The following POU6F1 variants were observed in gnomAD, a reference collection of about 807,000 sequenced individuals.
POU6F1 encodes POU class 6 homeobox 1.
In POU6F1, 9 loss-of-function variants were observed where a neutral mutation model predicts 28.9. The observed-to-expected ratio is 0.31, with a 90% CI of 0.19 to 0.54. The LOEUF (loss-of-function observed/expected upper bound fraction) is 0.54, where lower values mean the gene tolerates loss of function less well. POU6F1 is among the 20% of genes least tolerant of loss of function. The pLI, the probability that POU6F1 is intolerant of heterozygous loss-of-function variation, is 0.94. For missense variants in POU6F1, 338 were observed against 426.1 expected, an observed-to-expected ratio of 0.79 and a Z score of 1.82; for synonymous variants, 173 against 171.1, an observed-to-expected ratio of 1.01 and a Z score of -0.09.
intron 3 of POU6F1, chr12:51,201,536 A>T (rs1344751510): frequency 1.3e-5 from 1 of 78,428 alleles, no homozygotes; most frequent in African/African-American, 5.4e-5. Context: ...AAATGAGTTA[A>T]AAAAAAAACA....
At chr12:51,211,213 C>G (rs901552912) in intron 1 of POU6F1, among the ~76,000 whole-genome samples, 3 of 152,212 alleles carry the variant, frequency 2.0e-5, no homozygotes, top group Admixed American at 2.0e-4. Context: ...CTGTCTGTTT[C>G]AAGAGAAGGA....
intron 6 of POU6F1, 22 bp from the exon 7 acceptor site, chr12:51,196,949 T>C: frequency 6.8e-7 from 1 of 1,461,228 alleles, no homozygotes; most frequent in Non-Finnish European, 9.5e-7. Flanking sequence ...GGAAGAGCCT[T>C]GCTCAGAAGC....
chr12:51,203,617 G>A lies in POU6F1; in HGVS notation c.244+556C>T, dbSNP rs140645075. ...TCTTGTTAAGGAGCTGTTGCTTTTC[G>A]GAAGTTTGCGTGTTCTCATGTGCTC... On this transcript the variant is annotated intron_variant, in intron 3 of 10. Transcript: ENST00000333640. 3.3e-3 allele frequency among the ~76,000 whole-genome samples: 497 copies of A among 152,252 alleles called. 3 individuals carry two copies. The highest frequency in any genetic ancestry group is 5.9e-3 in the Non-Finnish European group (398 of 68,024).
At chr12:51,197,545 G>A (rs1169500275) in intron 6 of POU6F1, among the ~76,000 whole-genome samples, 1 of 152,220 alleles carries the variant, frequency 6.6e-6, no homozygotes, top group African/African-American at 2.4e-5. Context: ...TCAGGTTCTG[G>A]AGAATGTGCC....
chr12:51,199,519 G>A lies in POU6F1; in HGVS notation c.366+228C>T, dbSNP rs541285924. ...TAATGTTATTTCTGCAATCCTGGCA[G>A]GCCCAAGGAGATGATTCTGCAAATG... is the stretch of plus-strand genomic sequence containing the variant. On this transcript the variant is annotated intron_variant, in intron 4 of 10. Transcript: ENST00000333640. This position sits in a 1 kb window ranked among gnomAD's most constrained non-coding sequence, Gnocchi z 4.1. Among the ~76,000 whole-genome samples, 1 of 152,330 alleles carries A rather than the reference G, an allele frequency of 6.6e-6. No individual in the cohort carries two copies. Among genetic ancestry groups the A allele is most frequent in the Admixed American group, 6.5e-5 (1 of 15,300 alleles).
In POU6F1 at chr12:51,205,200, C is replaced by T. The variant is rs368768719; in HGVS notation, c.49-832G>A. Among the ~76,000 whole-genome samples, 442 of 152,042 alleles carry T rather than the reference C, an allele frequency of 2.9e-3. 12 individuals carry two copies. The highest frequency in any genetic ancestry group is 0.013 in the East Asian group (67 of 5,168). On this transcript the variant is annotated intron_variant, in intron 2 of 10. Transcript: ENST00000333640. ...GACTACAGGTGCCCACCACCACGCC[C>T]GGCTAATTTTTTTGTATTTTTAGTA...
At chr12:51,213,829 G>C (rs1164141102) in intron 1 of POU6F1, among the ~76,000 whole-genome samples, 2 of 151,626 alleles carry the variant, frequency 1.3e-5, no homozygotes, top group Admixed American at 6.6e-5. Context: ...ACCACATCCG[G>C]CCTAATTTCG....
intron 1 of POU6F1, among the ~76,000 whole-genome samples, chr12:51,215,415 C>T (rs533468662): frequency 3.3e-5 from 5 of 151,580 alleles, no homozygotes; most frequent in Non-Finnish European, 7.4e-5. Flanking sequence ...ATTAGCCAGG[C>T]ATGGTGGTGT....
chr12:51,197,745 G>C, intron 6 of POU6F1, 25 bp downstream of exon 6: 1 of 399,700 alleles, frequency 2.5e-6, no homozygotes, highest in Non-Finnish European at 4.4e-6. Context: ...TCCCTGGTCA[G>C]CCCTGGGTGA....
intron 1 of POU6F1, among the ~76,000 whole-genome samples, chr12:51,215,555 CA>C (rs11415220): frequency 0.067 from 5,952 of 88,468 alleles, 212 homozygotes; most frequent in East Asian, 0.19. Flanking sequence ...AACCCTGTCT[CA>C]AAAAAAAAAA....
Position 51,191,784 on chromosome 12 carries a change from C to G in POU6F1, c.1322-20G>C. 1 of 1,613,608 alleles carries G rather than the reference C, an allele frequency of 6.2e-7. No homozygotes were observed. The highest frequency in any genetic ancestry group is 1.7e-4 in the Middle Eastern group (1 of 6,056). On this transcript the variant is annotated intron_variant, in intron 9 of 10. Transcript: ENST00000333640. ...GTGGCTCTAGGCCAGAGGGAGGGAG[C>G]AGGGATGAGTGTGTAACATGGGAAC...
At chr12:51,194,748 C>T (rs1942698873) in intron 8 of POU6F1, among the ~76,000 whole-genome samples, 1 of 152,000 alleles carries the variant, frequency 6.6e-6, no homozygotes, top group African/African-American at 2.4e-5. Context: ...ACAAGAACTA[C>T]TGCTTGTTTT....
intron 1 of POU6F1, among the ~76,000 whole-genome samples, chr12:51,210,029 C>T (rs1943884831): frequency 2.0e-5 from 3 of 152,090 alleles, no homozygotes; most frequent in Non-Finnish European, 2.9e-5. Context: ...ATGACCATGG[C>T]TCATTGCAGC....
At chr12:51,215,326 G>T (rs371340446) in intron 1 of POU6F1, among the ~76,000 whole-genome samples, 2 of 151,950 alleles carry the variant, frequency 1.3e-5, no homozygotes, top group African/African-American at 2.4e-5. Flanking sequence ...AGGCCGAGGC[G>T]GGCGGATTAC....
rs1250187625 is a variant in POU6F1, at chr12:51,199,888, AAAG to A, written c.245-23_245-21del. 5 of 399,260 alleles carry A rather than the reference AAAG, an allele frequency of 1.3e-5. No homozygotes were observed. Among genetic ancestry groups the A allele is most frequent in the Non-Finnish European group, 2.2e-5 (5 of 226,218 alleles). 24.7% of individuals were successfully genotyped at this position (399,260 alleles called of 1,614,324 possible). Reference sequence around the variant, plus strand: ...ACTTCACTTCACAAGGCATTGAGAGAAAGAAGGACAAGGAGTGAGCCTGACGTG... The same window carrying A: ...ACTTCACTTCACAAGGCATTGAGAGAAAGGACAAGGAGTGAGCCTGACGTG... On this transcript the variant is annotated intron_variant, in intron 3 of 10. Transcript: ENST00000333640. The surrounding 1 kb of genome is among the most constrained non-coding windows in gnomAD (Gnocchi z 4.1).
At chr12:51,212,083 GT>G (rs765735356) in intron 1 of POU6F1, among the ~76,000 whole-genome samples, 2,024 of 148,794 alleles carry the variant, frequency 0.014, 49 homozygotes, top group African/African-American at 0.047. Flanking sequence ...TGTTTTTTTT[GT>G]TTTGTTTGTT....
chr12:51,199,939 T>C lies in POU6F1; in HGVS notation c.245-71A>G, dbSNP rs769352583. 30 of 399,296 alleles carry C rather than the reference T, an allele frequency of 7.5e-5. No individual in the cohort carries two copies. The highest frequency in any genetic ancestry group is 1.3e-4 in the Non-Finnish European group (30 of 226,220). 24.7% of individuals were successfully genotyped at this position (399,296 alleles called of 1,614,324 possible). A position where few individuals can be genotyped will look rare whatever the true frequency, so the allele number is the denominator to read the frequency against. On this transcript the variant is annotated intron_variant, in intron 3 of 10. Transcript: ENST00000333640. This position sits in a 1 kb window ranked among gnomAD's most constrained non-coding sequence, Gnocchi z 4.1. Reference sequence around the variant, plus strand: ...GTGAGTGGAGGGGTCACCACAGCAGTACATGACATCCCATCTGCAGCCTGA... The same window carrying C: ...GTGAGTGGAGGGGTCACCACAGCAGCACATGACATCCCATCTGCAGCCTGA...
chr12:51,209,960 AT>A (rs539622829), intron 1 of POU6F1, among the ~76,000 whole-genome samples: 4 of 149,386 alleles, frequency 2.7e-5, no homozygotes, highest in South Asian at 2.1e-4. Context: ...CTCCCCTCAG[AT>A]TTTTTTTTTG....
chr12:51,197,670 T>TC, intron 6 of POU6F1, 100 bp downstream of exon 6: 1 of 397,666 alleles, frequency 2.5e-6, no homozygotes, highest in East Asian at 3.6e-5. Context: ...AGGGCTGTTT[T>TC]CGGGGGGGGC....
Sources: gnomAD v4.1 joint callset for allele counts (sites outside exome capture counted in the v4.1 genomes callset) on GRCh38, gnomAD v4.1.1 for gene constraint, Gnocchi (gnomAD v3.1) non-coding constraint, MANE v1.5 for transcripts, NCBI Gene and HGNC (gene_info 2026-07-23, HGNC 2026-07-21) for gene names.